The following FBXL17 variants were observed in gnomAD, a reference collection of about 807,000 sequenced individuals.
The protein encoded by FBXL17 is F-box/LRR-repeat protein 17.
FBXL17 carries 22 observed loss-of-function variants against 66.2 expected under a neutral mutation model. That is an observed-to-expected ratio of 0.33 (90% CI 0.24 to 0.47). The LOEUF (loss-of-function observed/expected upper bound fraction) is 0.47, where lower values mean the gene tolerates loss of function less well. Ranked by LOEUF, FBXL17 falls within the 20% of genes least tolerant of loss-of-function variation. FBXL17 has a pLI of 1.00. For missense variants in FBXL17, 878 were observed against 948.2 expected, an observed-to-expected ratio of 0.93 and a Z score of 0.97; for synonymous variants, 474 against 400.5, an observed-to-expected ratio of 1.18 and a Z score of -2.19.
At chr5:107,980,620 A>C in intron 7 of FBXL17, among the ~76,000 whole-genome samples, 1 of 133,120 alleles carries the variant, frequency 7.5e-6, no homozygotes, top group Non-Finnish European at 1.6e-5. Flanking sequence ...ACAGGCGTTG[A>C]GCCACCATGA....
At chr5:108,316,619 CT>C (rs1205801158) in intron 4 of FBXL17, among the ~76,000 whole-genome samples, 1 of 151,112 alleles carries the variant, frequency 6.6e-6, no homozygotes, top group Non-Finnish European at 1.5e-5. Context: ...AACTTATTTC[CT>C]TTTTTTAACG....
At chr5:108,378,405 A>G (rs541191028) in intron 1 of FBXL17, among the ~76,000 whole-genome samples, 2 of 152,346 alleles carry the variant, frequency 1.3e-5, no homozygotes, top group East Asian at 3.9e-4. Context: ...AGCAAAAGCA[A>G]TACAATTATA....
At chr5:107,996,338 C>T (rs1033241826) in intron 7 of FBXL17, among the ~76,000 whole-genome samples, 2 of 151,994 alleles carry the variant, frequency 1.3e-5, no homozygotes, top group Non-Finnish European at 2.9e-5. Flanking sequence ...TGTTGGAGAC[C>T]GAGTCTCCCT....
chr5:108,018,504 T>C (rs1004209703), intron 7 of FBXL17, among the ~76,000 whole-genome samples: 10 of 152,156 alleles, frequency 6.6e-5, no homozygotes, highest in African/African-American at 2.4e-4. Flanking sequence ...AGTAATATGT[T>C]TAATTTTATA....
At chr5:107,982,935 C>T (rs1752880328) in intron 7 of FBXL17, among the ~76,000 whole-genome samples, 1 of 152,150 alleles carries the variant, frequency 6.6e-6, no homozygotes, top group African/African-American at 2.4e-5. Flanking sequence ...GGGACCACAC[C>T]TAGAAGGCTG....
intron 7 of FBXL17, among the ~76,000 whole-genome samples, chr5:107,888,693 T>C (rs1439466186): frequency 6.6e-6 from 1 of 152,226 alleles, no homozygotes; most frequent in East Asian, 1.9e-4. Context: ...TAGTGTTATG[T>C]ATACTGGTAT....
chr5:108,198,558 G>C (rs1011764875), intron 5 of FBXL17, among the ~76,000 whole-genome samples: 2 of 152,172 alleles, frequency 1.3e-5, no homozygotes, highest in African/African-American at 4.8e-5. Context: ...CACTTTCCAG[G>C]TGAGAAAAAT....
At chr5:108,355,351 T>C (rs1747914137) in intron 3 of FBXL17, among the ~76,000 whole-genome samples, 2 of 151,886 alleles carry the variant, frequency 1.3e-5, no homozygotes, top group Admixed American at 6.6e-5. Context: ...CGCAGTGGCA[T>C]GATCTTGGCT....
chr5:108,225,297 T>A (rs1461057801), intron 4 of FBXL17, among the ~76,000 whole-genome samples: 1 of 152,198 alleles, frequency 6.6e-6, no homozygotes, highest in Non-Finnish European at 1.5e-5. Flanking sequence ...TATACTACAT[T>A]TTTATGGGTT....
At chr5:107,944,046 T>G (rs574964709) in intron 7 of FBXL17, among the ~76,000 whole-genome samples, 4 of 152,182 alleles carry the variant, frequency 2.6e-5, no homozygotes, top group Admixed American at 6.5e-5. Flanking sequence ...TTGTATACCA[T>G]GCCCTTGATG....
intron 6 of FBXL17, among the ~76,000 whole-genome samples, chr5:108,043,207 A>T (rs745373513): frequency 1.2e-4 from 18 of 152,180 alleles, no homozygotes; most frequent in Non-Finnish European, 2.5e-4. Flanking sequence ...GGTCTTTCAC[A>T]TAGCAAAAGT....
chr5:107,991,717 G>A (rs1046140336), intron 7 of FBXL17, among the ~76,000 whole-genome samples: 8 of 152,156 alleles, frequency 5.3e-5, no homozygotes, highest in Non-Finnish European at 1.0e-4. Context: ...TCAGATCTAA[G>A]TTTCCCTTGC....
intron 4 of FBXL17, among the ~76,000 whole-genome samples, chr5:108,292,523 T>A (rs561023542): frequency 6.6e-6 from 1 of 152,288 alleles, no homozygotes; most frequent in South Asian, 2.1e-4. Flanking sequence ...TTGCATATAC[T>A]GCTCCCTCAA....
intron 6 of FBXL17, among the ~76,000 whole-genome samples, chr5:108,056,171 G>C (rs1039844490): frequency 2.0e-5 from 3 of 152,128 alleles, no homozygotes; most frequent in African/African-American, 7.2e-5. Context: ...AAAGGCCATG[G>C]TAGCTTGATT....
At chr5:108,004,686 G>A (rs1753858517) in intron 7 of FBXL17, among the ~76,000 whole-genome samples, 1 of 152,140 alleles carries the variant, frequency 6.6e-6, no homozygotes, top group Non-Finnish European at 1.5e-5. Flanking sequence ...GAATGAAAAT[G>A]GAGGCTTCAG....
intron 8 of FBXL17, among the ~76,000 whole-genome samples, chr5:107,862,381 T>G (rs1398186250): frequency 2.0e-5 from 3 of 151,960 alleles, no homozygotes; most frequent in African/African-American, 2.4e-5. Context: ...ATGTGAGGAA[T>G]CAATAATTAA....
chr5:108,303,962 A>T (rs1400498197), intron 4 of FBXL17, among the ~76,000 whole-genome samples: 2 of 152,014 alleles, frequency 1.3e-5, no homozygotes, highest in Middle Eastern at 3.2e-3. Flanking sequence ...TAATGGGTCC[A>T]CAGACCAGAG....
chr5:108,098,188 A>G (rs1470178441), intron 6 of FBXL17, among the ~76,000 whole-genome samples: 2 of 152,148 alleles, frequency 1.3e-5, no homozygotes, highest in Non-Finnish European at 2.9e-5. Flanking sequence ...CTGGGCTATC[A>G]TATACTGCAA....
intron 7 of FBXL17, among the ~76,000 whole-genome samples, chr5:108,020,548 T>C (rs1754553403): frequency 6.6e-6 from 1 of 151,942 alleles, no homozygotes; most frequent in Non-Finnish European, 1.5e-5. Context: ...TTTGATATGA[T>C]ATTACATTAA....
Sources: allele counts gnomAD v4.1 joint callset (sites outside exome capture counted in the v4.1 genomes callset), GRCh38; gene constraint gnomAD v4.1.1; transcripts MANE v1.5; gene names NCBI Gene and HGNC (gene_info 2026-07-23, HGNC 2026-07-21).